Variants in MAP4 observed in about 807,000 individuals in gnomAD.
MAP4 encodes microtubule associated protein 4.
Under a neutral mutation model 170.2 loss-of-function variants are expected in MAP4, and 76 were observed. That is an observed-to-expected ratio of 0.45 (90% CI 0.37 to 0.54). The LOEUF (loss-of-function observed/expected upper bound fraction) is 0.54. MAP4 is among the 20% of genes least tolerant of loss of function. The probability of loss-of-function intolerance (pLI) is 0.00; values close to 1 mark genes in which losing one functional copy is unlikely to be tolerated. For synonymous variants in MAP4, 909 were observed against 994.5 expected, an observed-to-expected ratio of 0.91 and a Z score of 1.62; for missense variants, 2,506 against 2,748.0, an observed-to-expected ratio of 0.91 and a Z score of 1.97.
At chr3:47,860,777 T>C (rs1029073504) in intron 17 of MAP4, among the ~76,000 whole-genome samples, 26 of 152,178 alleles carry the variant, frequency 1.7e-4, no homozygotes, top group Admixed American at 1.1e-3. Context: ...TTACATGTCA[T>C]GCTAGCATGT....
intron 18 of MAP4, among the ~76,000 whole-genome samples, chr3:47,856,641 G>A (rs1386333452): frequency 2.6e-5 from 4 of 152,208 alleles, no homozygotes; most frequent in South Asian, 4.1e-4. Flanking sequence ...TGGCCAGGCT[G>A]TTCTCAAACT....
Position 47,937,656 on chromosome 3 carries a change from CTTT to C in MAP4, c.293-9309_293-9307del, listed in dbSNP as rs71070243. 4.2e-3 allele frequency among the ~76,000 whole-genome samples: 457 copies of C among 107,904 alleles called. 2 individuals carry two copies. Among genetic ancestry groups the C allele is most frequent in the Non-Finnish European group, 5.1e-3 (278 of 55,040 alleles). 70.8% of individuals were successfully genotyped at this position (107,904 alleles called of 152,430 possible). ...AGAACAGCTTTTCCTTTTTCTTCTT[CTTT>C]TTTTTTTTTTTTTTTTTTTGAGACG... is the stretch of plus-strand genomic sequence containing the variant. On this transcript the variant is annotated intron_variant, in intron 3 of 20. Transcript: ENST00000683076.
At chr3:48,061,019 G>C (rs1367938451) in intron 1 of MAP4, among the ~76,000 whole-genome samples, 1 of 151,754 alleles carries the variant, frequency 6.6e-6, no homozygotes, top group Non-Finnish European at 1.5e-5. Context: ...TAATTTTTTT[G>C]TATTTTTAGT....
At chr3:47,921,532 AT>A (rs1026032759) in intron 5 of MAP4, among the ~76,000 whole-genome samples, 5 of 152,246 alleles carry the variant, frequency 3.3e-5, no homozygotes, top group Middle Eastern at 3.4e-3. Context: ...CAAAAAAAAA[AT>A]TTGTCATTCT....
intron 6 of MAP4, among the ~76,000 whole-genome samples, chr3:47,918,150 T>C (rs1190460442): frequency 6.6e-6 from 1 of 151,818 alleles, no homozygotes; most frequent in Non-Finnish European, 1.5e-5. Flanking sequence ...GCCCAGCTAA[T>C]TTTTTGTATT....
At chr3:47,872,518 A>G (rs1300672561) in intron 12 of MAP4, among the ~76,000 whole-genome samples, 1 of 152,210 alleles carries the variant, frequency 6.6e-6, no homozygotes, top group Non-Finnish European at 1.5e-5. Context: ...ATTGGAGAAC[A>G]GGAGGTACTG....
At chr3:47,952,538 C>G (rs1422045552) in intron 3 of MAP4, among the ~76,000 whole-genome samples, 1 of 152,020 alleles carries the variant, frequency 6.6e-6, no homozygotes, top group Non-Finnish European at 1.5e-5. Flanking sequence ...TTGTTCTGTA[C>G]TAAGAAAAAT....
intron 1 of MAP4, among the ~76,000 whole-genome samples, chr3:48,061,635 G>A (rs1202808474): frequency 1.4e-4 from 20 of 144,016 alleles, no homozygotes; most frequent in African/African-American, 3.1e-4. Flanking sequence ...AGTGAGGAGC[G>A]TCTCTGCCTG....
rs183831314 is a variant in MAP4 at position 48,074,392 on chromosome 3, G to A, written c.-20+14381C>T. Among the ~76,000 whole-genome samples the A allele has an allele frequency of 3.3e-5, 5 of 150,746 alleles. No individual in the cohort carries two copies. The East Asian group carries it at 9.8e-4, about 29-fold the overall frequency. On this transcript the variant is annotated intron_variant, in intron 1 of 18. Transcript: ENST00000360240. ...TTAATGGGTGCAGCACACCAACATGGCACATGTATACATATGTAACAAACC... is the reference window on the plus strand; with the variant it reads ...TTAATGGGTGCAGCACACCAACATGACACATGTATACATATGTAACAAACC...
Position 47,992,634 on chromosome 3 carries a change from G to A in MAP4, c.223+6004C>T, listed in dbSNP as rs116042069. On this transcript the variant is annotated intron_variant, in intron 2 of 20. Transcript: ENST00000683076. ...AACATGGTATCTTCAACAAGTTCGT[G>A]GAAAATGCATTCTATGAAAAAATTA... Among the ~76,000 whole-genome samples the A allele has an allele frequency of 2.6e-3, 397 of 152,040 alleles. 2 individuals are homozygous for A. The highest frequency in any genetic ancestry group is 4.5e-3 in the Admixed American group (68 of 15,262).
At chr3:47,956,126 G>A (rs2100067670) in intron 3 of MAP4, among the ~76,000 whole-genome samples, 1 of 152,040 alleles carries the variant, frequency 6.6e-6, no homozygotes, top group Middle Eastern at 3.2e-3. Flanking sequence ...AACCTATGTA[G>A]TCTAGCTTGG....
At chr3:47,882,819 T>C (rs2096971094) in intron 10 of MAP4, among the ~76,000 whole-genome samples, 1 of 152,168 alleles carries the variant, frequency 6.6e-6, no homozygotes, top group African/African-American at 2.4e-5. Context: ...TTAATTTTTT[T>C]TTTTAAAGAC....
At chr3:48,083,491 G>A (rs1254604410) in intron 1 of MAP4, among the ~76,000 whole-genome samples, 6 of 151,628 alleles carry the variant, frequency 4.0e-5, no homozygotes, top group East Asian at 1.9e-4. Context: ...TCAGCTTCCC[G>A]AGTAGCTGGG....
chr3:47,949,730 C>A (rs796179792), intron 3 of MAP4, among the ~76,000 whole-genome samples: 52 of 152,296 alleles, frequency 3.4e-4, no homozygotes, highest in African/African-American at 1.2e-3. Flanking sequence ...CTGGACTCTT[C>A]AAATGTTTTT....
intron 1 of MAP4, among the ~76,000 whole-genome samples, chr3:48,031,266 A>C (rs2100115961): frequency 6.6e-6 from 1 of 152,156 alleles, no homozygotes; most frequent in South Asian, 2.1e-4. Context: ...AAATACAAAA[A>C]TTAGGCTGGG....
intron 2 of MAP4, among the ~76,000 whole-genome samples, chr3:47,992,652 A>G (rs1483469295): frequency 6.6e-6 from 1 of 152,166 alleles, no homozygotes; most frequent in Non-Finnish European, 1.5e-5. Flanking sequence ...CATTCTATGA[A>G]AAAATTATTC....
rs546648833 is a variant in MAP4, at chr3:47,892,666, TGAAA to T, written c.5434+10280_5434+10283del. ...TGAGTATTAAATGCACTTACAAATG[TGAAA>T]GAAAGAAAGAAAGGAAGAATGAATG... is the stretch of plus-strand genomic sequence containing the variant. On this transcript the variant is annotated intron_variant, in intron 10 of 20. Coordinates refer to ENST00000683076, the MANE Select transcript of MAP4 (RefSeq NM_001385682.1). The T allele has an allele frequency of 8.7e-4, 1,185 of 1,357,780 alleles. 1 individual carries two copies. Among genetic ancestry groups the T allele is most frequent in the Non-Finnish European group, 9.3e-4 (990 of 1,061,310 alleles). 84.1% of individuals were successfully genotyped at this position (1,357,780 alleles called of 1,614,324 possible).
intron 1 of MAP4, among the ~76,000 whole-genome samples, chr3:48,057,732 G>C (rs1265064823): frequency 6.6e-6 from 1 of 151,278 alleles, no homozygotes; most frequent in African/African-American, 2.4e-5. Flanking sequence ...TTTCAGAGTG[G>C]CTGTACCACT....
intron 1 of MAP4, among the ~76,000 whole-genome samples, chr3:48,080,761 A>C (rs942257302): frequency 5.9e-5 from 9 of 151,972 alleles, no homozygotes; most frequent in Non-Finnish European, 1.0e-4. Context: ...CAGGCGGATC[A>C]CGAGGTCAGG....
Sources: gnomAD v4.1 joint callset for allele counts (sites outside exome capture counted in the v4.1 genomes callset) on GRCh38, gnomAD v4.1.1 for gene constraint, MANE v1.5 for transcripts, NCBI Gene and HGNC (gene_info 2026-07-23, HGNC 2026-07-21) for gene names.